Variants in TRHDE observed in about 807,000 individuals in gnomAD.
TRHDE encodes the protein thyrotropin-releasing hormone-degrading ectoenzyme.
In TRHDE, 72 loss-of-function variants were observed where a neutral mutation model predicts 125.7. The observed-to-expected ratio is 0.57, with a 90% CI of 0.47 to 0.70. The LOEUF is 0.70. Ranked by LOEUF, TRHDE falls within the 30% of genes least tolerant of loss-of-function variation. The pLI is 0.00. For missense variants in TRHDE, 1,110 were observed against 1,327.1 expected, an observed-to-expected ratio of 0.84 and a Z score of 2.54; for synonymous variants, 509 against 509.1, an observed-to-expected ratio of 1.00 and a Z score of 0.00.
At chr12:72,467,825 AAAC>A (rs1267077014) in intron 3 of TRHDE, among the ~76,000 whole-genome samples, 1 of 152,190 alleles carries the variant, frequency 6.6e-6, no homozygotes, top group Admixed American at 6.6e-5. Flanking sequence ...AAACAAACAA[AAAC>A]AACAACAAAT....
At chr12:72,306,091 G>A (rs1592532645) in intron 2 of TRHDE, among the ~76,000 whole-genome samples, 1 of 152,076 alleles carries the variant, frequency 6.6e-6, no homozygotes, top group African/African-American at 2.4e-5. Context: ...CTGCCTTATG[G>A]CCAAGTGTTT....
At chr12:72,648,140 G>A (rs1001437636) in intron 15 of TRHDE, among the ~76,000 whole-genome samples, 1 of 151,768 alleles carries the variant, frequency 6.6e-6, no homozygotes, top group Non-Finnish European at 1.5e-5. Context: ...TAGAATAAAC[G>A]ATAAAAATCA....
chr12:72,495,060 G>GTTTTTTTTTT lies in TRHDE; in HGVS notation c.1585-4421_1585-4412dup, dbSNP rs751243542. Among the ~76,000 whole-genome samples, 17 of 58,392 alleles carry GTTTTTTTTTT rather than the reference G, an allele frequency of 2.9e-4. 2 individuals carry two copies. Among genetic ancestry groups the GTTTTTTTTTT allele is most frequent in the African/African-American group, 9.6e-4 (13 of 13,486 alleles). 38.3% of individuals were successfully genotyped at this position (58,392 alleles called of 152,430 possible). A position where few individuals can be genotyped will look rare whatever the true frequency, so the allele number is the denominator to read the frequency against. ...CATTTCTGTCAATAGTTCCTCCCCCGTTTTTTTTTTTTTTTTTTTTTTTTT... is the reference window on the plus strand; with the variant it reads ...CATTTCTGTCAATAGTTCCTCCCCCGTTTTTTTTTTTTTTTTTTTTTTTTTTTTTTTTTTT... On this transcript the variant is annotated intron_variant, in intron 5 of 18. Coordinates refer to ENST00000261180, the MANE Select transcript of TRHDE (RefSeq NM_013381.3).
At chr12:72,395,609 A>G (rs1050176254) in intron 3 of TRHDE, among the ~76,000 whole-genome samples, 15 of 152,050 alleles carry the variant, frequency 9.9e-5, no homozygotes, top group Admixed American at 1.3e-4. Context: ...ATGATATAAT[A>G]TATCATTGTA....
rs567181285 is a variant in TRHDE, at chr12:72,522,546, A to AT, written c.1723-19737dup. On this transcript the variant is annotated intron_variant, in intron 6 of 18. Coordinates refer to ENST00000261180, the MANE Select transcript of TRHDE (RefSeq NM_013381.3). ...AGATTACTAACAGCAATGAGTTTTG[A>AT]TTTTTTTTATTGTTAAACATCTAGC... Among the ~76,000 whole-genome samples, 85 of 152,132 alleles carry AT rather than the reference A, an allele frequency of 5.6e-4. No individual in the cohort carries two copies. The Middle Eastern group carries it at 0.017, about 30-fold the overall frequency.
intron 3 of TRHDE, among the ~76,000 whole-genome samples, chr12:72,462,549 G>A (rs1475413093): frequency 6.6e-6 from 1 of 152,086 alleles, no homozygotes; most frequent in Non-Finnish European, 1.5e-5. Context: ...TGCCATCAAA[G>A]GTAACTATTC....
intron 6 of TRHDE, among the ~76,000 whole-genome samples, chr12:72,500,432 G>A (rs1187923468): frequency 6.6e-6 from 1 of 151,756 alleles, no homozygotes; most frequent in Non-Finnish European, 1.5e-5. Flanking sequence ...TCACTCTGTC[G>A]CCAGGCTGGA....
chr12:72,565,682 A>C (rs1366471687), intron 9 of TRHDE, among the ~76,000 whole-genome samples: 1 of 152,166 alleles, frequency 6.6e-6, no homozygotes, highest in African/African-American at 2.4e-5. Flanking sequence ...TTTTTCACAA[A>C]GTCTGGACAA....
At position 72,663,957 on chromosome 12, in the gene TRHDE, T is replaced by C. The variant is rs1875018651; in HGVS notation, c.*762T>C. ...AGAATGTCTTCAGATCAAAGAAAAT[T>C]TATCTCTTTTTATAAACTTAAGGAC... On this transcript the variant is annotated 3_prime_UTR_variant, in exon 19 of 19. Coordinates refer to ENST00000261180, the MANE Select transcript of TRHDE (RefSeq NM_013381.3). 6.6e-6 allele frequency: 1 copy of C among 152,118 alleles called. No homozygotes were observed. The highest frequency in any genetic ancestry group is 2.4e-5 in the African/African-American group (1 of 41,450). 9.4% of individuals were successfully genotyped at this position (152,118 alleles called of 1,614,324 possible).
intron 2 of TRHDE, among the ~76,000 whole-genome samples, chr12:72,320,427 GA>G (rs1417847624): frequency 2.0e-5 from 3 of 151,968 alleles, no homozygotes; most frequent in Non-Finnish European, 2.9e-5. Context: ...ATAATGGCAT[GA>G]AAAAAATCTG....
chr12:72,447,121 G>T (rs1467207741), intron 3 of TRHDE, among the ~76,000 whole-genome samples: 1 of 152,048 alleles, frequency 6.6e-6, no homozygotes, highest in Non-Finnish European at 1.5e-5. Context: ...TGGAAGTAAA[G>T]CCCTCCTCAG....
At chr12:72,518,794 T>C (rs985406908) in intron 6 of TRHDE, among the ~76,000 whole-genome samples, 1 of 152,232 alleles carries the variant, frequency 6.6e-6, no homozygotes, top group African/African-American at 2.4e-5. Flanking sequence ...TGGTCGTTCC[T>C]TTCCATGTTT....
intron 2 of TRHDE, among the ~76,000 whole-genome samples, chr12:72,191,922 C>T (rs1213011438): frequency 6.6e-6 from 1 of 152,108 alleles, no homozygotes; most frequent in Non-Finnish European, 1.5e-5. Context: ...GTAGTATAAA[C>T]ATAAGTAAAA....
At chr12:72,518,161 C>T (rs1279522188) in intron 6 of TRHDE, among the ~76,000 whole-genome samples, 4 of 150,860 alleles carry the variant, frequency 2.7e-5, no homozygotes, top group Non-Finnish European at 4.4e-5. Flanking sequence ...TCTATTAGGT[C>T]TGCTTGGTGC....
chr12:72,602,600 A>AAT (rs1417658760), intron 12 of TRHDE, among the ~76,000 whole-genome samples: 1 of 152,164 alleles, frequency 6.6e-6, no homozygotes, highest in Admixed American at 6.5e-5. Flanking sequence ...CTGGAGAAGA[A>AAT]ATATATATGG....
chr12:72,171,778 C>T (rs994965109), intron 2 of TRHDE, among the ~76,000 whole-genome samples: 1 of 152,160 alleles, frequency 6.6e-6, no homozygotes, highest in African/African-American at 2.4e-5. Context: ...GCCTATGTTT[C>T]CCAAGAGCTC....
At chr12:72,230,605 A>G (rs1878228852) in intron 2 of TRHDE, among the ~76,000 whole-genome samples, 1 of 152,050 alleles carries the variant, frequency 6.6e-6, no homozygotes, top group Non-Finnish European at 1.5e-5. Context: ...GAGAAATCCT[A>G]TGATGGCCGA....
At chr12:72,424,897 T>A (rs1183955608) in intron 3 of TRHDE, among the ~76,000 whole-genome samples, 1 of 152,096 alleles carries the variant, frequency 6.6e-6, no homozygotes, top group Admixed American at 6.6e-5. Flanking sequence ...TGTCATAGTG[T>A]CAAGTAATTC....
chr12:72,142,074 G>GAA (rs199924798), intron 2 of TRHDE, among the ~76,000 whole-genome samples: 64 of 122,534 alleles, frequency 5.2e-4, no homozygotes, highest in Non-Finnish European at 6.4e-4. Flanking sequence ...TGCTCCACCA[G>GAA]AAAAAAAAAA....
Sources: allele counts gnomAD v4.1 joint callset (sites outside exome capture counted in the v4.1 genomes callset), GRCh38; gene constraint gnomAD v4.1.1; transcripts MANE v1.5; gene names NCBI Gene and HGNC (gene_info 2026-07-23, HGNC 2026-07-21).